Variants in NXPH1 observed in about 807,000 individuals in gnomAD.
The protein encoded by NXPH1 is neurexophilin-1.
NXPH1 carries 5 observed loss-of-function variants against 23.7 expected under a neutral mutation model. That is an observed-to-expected ratio of 0.21 (90% CI 0.11 to 0.44). The LOEUF is 0.44. Among genes scored for constraint, NXPH1 ranks in the 20% least tolerant of loss-of-function variants. NXPH1 has a pLI of 0.99. For missense variants in NXPH1, 324 were observed against 321.6 expected, an observed-to-expected ratio of 1.01 and a Z score of -0.06; for synonymous variants, 144 against 122.2, an observed-to-expected ratio of 1.18 and a Z score of -1.18.
chr7:8,657,753 T>C (rs1820604425), intron 2 of NXPH1, among the ~76,000 whole-genome samples: 1 of 152,172 alleles, frequency 6.6e-6, no homozygotes, highest in Admixed American at 6.5e-5. Flanking sequence ...CTGGACCAGG[T>C]GCAGTGGCTC....
chr7:8,535,550 G>C (rs1333427434), intron 2 of NXPH1, among the ~76,000 whole-genome samples: 1 of 151,692 alleles, frequency 6.6e-6, no homozygotes, highest in African/African-American at 2.4e-5. Flanking sequence ...AAAAAATCCA[G>C]ACAAACCAAA....
intron 2 of NXPH1, among the ~76,000 whole-genome samples, chr7:8,583,867 G>A (rs755446205): frequency 6.6e-6 from 1 of 152,106 alleles, no homozygotes; most frequent in Admixed American, 6.5e-5. Flanking sequence ...GCTACAGCCC[G>A]GTCATGGAGC....
chr7:8,434,265 C>G lies in NXPH1; in HGVS notation c.-601C>G, dbSNP rs1387030425. On this transcript the variant is annotated 5_prime_UTR_variant, in exon 1 of 3. Transcript: ENST00000405863. The surrounding 1 kb of genome is among the most constrained non-coding windows in gnomAD (Gnocchi z 7.6). ...TCCGAAAGGCCAGTGTCTTATCTCT[C>G]CACTTCAAGTCCAGAGGACTTGCTC... 2 of 153,154 alleles carry G rather than the reference C, an allele frequency of 1.3e-5. No homozygotes were observed. The highest frequency in any genetic ancestry group is 2.1e-4 in the South Asian group (1 of 4,832). The allele number at this position is 153,154 out of a possible 1,614,324, so 9.5% of individuals were successfully genotyped here.
intron 2 of NXPH1, among the ~76,000 whole-genome samples, chr7:8,649,691 T>G (rs2214585): frequency 0.7 from 107,195 of 152,066 alleles, 38,584 homozygotes; most frequent in East Asian, 1. Context: ...GAGTTTGAAG[T>G]TTAGCAGATG....
chr7:8,559,895 T>C (rs555471008), intron 2 of NXPH1, among the ~76,000 whole-genome samples: 1 of 151,830 alleles, frequency 6.6e-6, no homozygotes, highest in East Asian at 2.0e-4. Context: ...CCATTTGTAG[T>C]GGTTGTTTTT....
intron 2 of NXPH1, among the ~76,000 whole-genome samples, chr7:8,552,335 T>A (rs1315759253): frequency 1.3e-5 from 2 of 151,448 alleles, no homozygotes; most frequent in East Asian, 2.0e-4. Flanking sequence ...GAGGTTTCTA[T>A]GTAGCACTTT....
At position 8,518,943 on chromosome 7, in the gene NXPH1, G is replaced by A. The variant is rs143078718; in HGVS notation, c.54+83176G>A. On this transcript the variant is annotated intron_variant, in intron 2 of 2. Coordinates refer to ENST00000405863, the MANE Select transcript of NXPH1 (RefSeq NM_152745.3). ...GTTCATTTTTTTTTTCTCCCCAAAG[G>A]CTGGAGATAGTGCATGCTGATTTTG... is the stretch of plus-strand genomic sequence containing the variant. Among the ~76,000 whole-genome samples the A allele has an allele frequency of 1.6e-3, 244 of 151,988 alleles. 1 individual carries two copies. Among genetic ancestry groups the A allele is most frequent in the African/African-American group, 5.3e-3 (220 of 41,478 alleles).
At chr7:8,729,695 G>C (rs1405990074) in intron 2 of NXPH1, among the ~76,000 whole-genome samples, 1 of 148,726 alleles carries the variant, frequency 6.7e-6, no homozygotes, top group African/African-American at 2.5e-5. Context: ...TTGCACTGTG[G>C]TCTGAGAGAT....
intron 2 of NXPH1, among the ~76,000 whole-genome samples, chr7:8,563,736 G>A (rs976180921): frequency 2.0e-5 from 3 of 151,670 alleles, no homozygotes; most frequent in Admixed American, 6.6e-5. Context: ...CCCAGCAAAT[G>A]CTTTATCTTT....
At chr7:8,714,550 C>A (rs1003359350) in intron 2 of NXPH1, among the ~76,000 whole-genome samples, 1 of 151,770 alleles carries the variant, frequency 6.6e-6, no homozygotes, top group Admixed American at 6.6e-5. Flanking sequence ...TGCTGGGTCA[C>A]ACATGAAGCC....
intron 2 of NXPH1, among the ~76,000 whole-genome samples, chr7:8,511,991 T>A (rs1217806420): frequency 6.6e-6 from 1 of 152,138 alleles, no homozygotes; most frequent in Non-Finnish European, 1.5e-5. Flanking sequence ...CCAGGGCAGA[T>A]GCTAGAGATG....
chr7:8,729,318 GT>G (rs1205965234), intron 2 of NXPH1, among the ~76,000 whole-genome samples: 1 of 142,740 alleles, frequency 7.0e-6, no homozygotes, highest in Non-Finnish European at 1.5e-5. Flanking sequence ...TTTTTGAAGG[GT>G]TTTTTGTGTC....
chr7:8,525,287 C>G (rs1270129437), intron 2 of NXPH1, among the ~76,000 whole-genome samples: 1 of 152,164 alleles, frequency 6.6e-6, no homozygotes, highest in African/African-American at 2.4e-5. Context: ...TTTAGGGTAT[C>G]TGGCAGAAGA....
chr7:8,483,960 C>T (rs969165524), intron 2 of NXPH1, among the ~76,000 whole-genome samples: 11 of 135,614 alleles, frequency 8.1e-5, no homozygotes, highest in African/African-American at 4.2e-4. Flanking sequence ...TAACACTCCC[C>T]CCACCTTTTT....
chr7:8,468,192 C>A (rs1368464574), intron 2 of NXPH1, among the ~76,000 whole-genome samples: 4 of 151,944 alleles, frequency 2.6e-5, no homozygotes, highest in Admixed American at 1.3e-4. Context: ...ATGAGATATT[C>A]TATAAAGATA....
chr7:8,522,038 T>C (rs1817781011), intron 2 of NXPH1, among the ~76,000 whole-genome samples: 1 of 152,222 alleles, frequency 6.6e-6, no homozygotes, highest in Non-Finnish European at 1.5e-5. Context: ...AACTTTGTTT[T>C]ATTGAAATAC....
intron 2 of NXPH1, among the ~76,000 whole-genome samples, chr7:8,520,368 T>C (rs774195176): frequency 3.9e-5 from 6 of 152,218 alleles, no homozygotes; most frequent in Non-Finnish European, 7.3e-5. Flanking sequence ...ATGATTGAGA[T>C]GACATGGTTT....
intron 2 of NXPH1, among the ~76,000 whole-genome samples, chr7:8,439,897 T>C (rs1266069148): frequency 6.6e-6 from 1 of 152,202 alleles, no homozygotes. Context: ...TGCTTCTCAT[T>C]CTTTAAAAAT....
At chr7:8,466,075 T>C (rs1014361454) in intron 2 of NXPH1, among the ~76,000 whole-genome samples, 1 of 152,170 alleles carries the variant, frequency 6.6e-6, no homozygotes, top group Admixed American at 6.5e-5. Context: ...TGTGAAGTAG[T>C]GTAAAGGGGA....
Sources: gnomAD v4.1 joint callset for allele counts (sites outside exome capture counted in the v4.1 genomes callset) on GRCh38, gnomAD v4.1.1 for gene constraint, Gnocchi (gnomAD v3.1) non-coding constraint, MANE v1.5 for transcripts, NCBI Gene and HGNC (gene_info 2026-07-23, HGNC 2026-07-21) for gene names.